Variants in CACNA1C observed in about 807,000 individuals in gnomAD.
The protein encoded by CACNA1C is voltage-dependent L-type calcium channel subunit alpha-1C.
A neutral mutation model predicts 229.0 loss-of-function variants in CACNA1C; 30 were observed. The observed-to-expected ratio is 0.13, with a 90% CI of 0.10 to 0.18. The LOEUF (loss-of-function observed/expected upper bound fraction) is 0.18. CACNA1C is among the 10% of genes least tolerant of loss of function. The pLI is 1.00. For synonymous variants in CACNA1C, 1,114 were observed against 1,132.5 expected (o/e 0.98, Z 0.33); for missense variants, 1,658 against 2,845.0 (o/e 0.58, Z 9.49).
At chr12:2,019,544 AG>A in intron 1 of CACNA1C, among the ~76,000 whole-genome samples, 1 of 150,230 alleles carries the variant, frequency 6.7e-6, no homozygotes, top group African/African-American at 2.5e-5. Context: ...AAAGGAAGGA[AG>A]GAAAGAAGGA....
intron 7 of CACNA1C, among the ~76,000 whole-genome samples, chr12:2,495,493 T>C (rs184289528): frequency 2.0e-5 from 3 of 152,340 alleles, no homozygotes; most frequent in African/African-American, 4.8e-5. Context: ...ATTTTTGTGT[T>C]CTTCCTTCAC....
intron 11 of CACNA1C, among the ~76,000 whole-genome samples, chr12:2,557,985 G>A (rs1477483416): frequency 6.6e-6 from 1 of 152,196 alleles, no homozygotes; most frequent in African/African-American, 2.4e-5. Context: ...AAAAAATATT[G>A]GTTATTTTTC....
intron 30 of CACNA1C, among the ~76,000 whole-genome samples, chr12:2,642,926 C>T (rs1466856564): frequency 1.3e-5 from 2 of 152,188 alleles, no homozygotes; most frequent in Non-Finnish European, 2.9e-5. Context: ...CATCAGGCTG[C>T]ACATGATAAC....
intron 1 of CACNA1C, among the ~76,000 whole-genome samples, chr12:1,988,104 T>C (rs374947494): frequency 6.6e-6 from 1 of 152,202 alleles, no homozygotes; most frequent in Non-Finnish European, 1.5e-5. Flanking sequence ...CCTGGATGAT[T>C]TGTATATCAG....
chr12:2,545,088 A>T (rs935037860), intron 9 of CACNA1C, among the ~76,000 whole-genome samples: 1 of 151,492 alleles, frequency 6.6e-6, no homozygotes. Flanking sequence ...TCTCCATCCA[A>T]CCCCTGAGCT....
At chr12:2,266,425 T>C (rs2087217656) in intron 3 of CACNA1C, among the ~76,000 whole-genome samples, 1 of 152,236 alleles carries the variant, frequency 6.6e-6, no homozygotes, top group African/African-American at 2.4e-5. Flanking sequence ...TCATGCTCCT[T>C]CTGCAGTGAC....
chr12:2,283,237 C>G (rs1211827041), intron 3 of CACNA1C, among the ~76,000 whole-genome samples: 1 of 152,130 alleles, frequency 6.6e-6, no homozygotes, highest in African/African-American at 2.4e-5. Context: ...AGGTGCAAGG[C>G]TACTTCTCCT....
In CACNA1C at chr12:2,690,922, G is replaced by A. The variant is rs1166663389; in HGVS notation, c.6140G>A (p.Gly2047Glu). 6.3e-7 allele frequency: 1 copy of A among 1,587,080 alleles called. No homozygotes were observed. The part of the protein sequence containing the change: ...VEAVLISEGL[G>E]QFAQDPKFIE... ...CAGGTCTTGATTTCAGAAGGACTGGGGCAGTTTGCTCAAGATCCCAAGTTC... is the reference window on the plus strand; with the variant it reads ...CAGGTCTTGATTTCAGAAGGACTGGAGCAGTTTGCTCAAGATCCCAAGTTC... Residue 2047 changes from glycine to glutamate, a missense_variant, in exon 47 of 47, where the codon GGG becomes GAG. By Grantham distance (98) the Gly-to-Glu change is moderately conservative (BLOSUM62 -2). This residue lies in a region of CACNA1C where 590 missense variants were observed against 700.8 expected (regional missense o/e 0.84). Transcript: ENST00000399655.
At chr12:2,134,571 A>G (rs1190796604) in intron 3 of CACNA1C, among the ~76,000 whole-genome samples, 5 of 137,692 alleles carry the variant, frequency 3.6e-5, no homozygotes, top group African/African-American at 1.3e-4. Flanking sequence ...TATGAAGCTT[A>G]GCTTGGCTGG....
In CACNA1C at chr12:2,348,392, C is replaced by T. The variant is rs2097110919; in HGVS notation, c.478-100584C>T. On this transcript the variant is annotated intron_variant, in intron 3 of 46. Transcript: ENST00000399655. The surrounding 1 kb of genome is among the most constrained non-coding windows in gnomAD (Gnocchi z 4.7). Reference sequence around the variant, plus strand: ...GGCCCACGACTGAGTCACGCGGCTTCTTAGCAACTTAGTCAATCCAAACGT... The same window carrying T: ...GGCCCACGACTGAGTCACGCGGCTTTTTAGCAACTTAGTCAATCCAAACGT... Among the ~76,000 whole-genome samples, 1 of 152,196 alleles carries T rather than the reference C, an allele frequency of 6.6e-6. No individual in the cohort carries two copies.
Position 2,602,632 on chromosome 12 carries a change from G to T in CACNA1C, c.2960+672G>T, listed in dbSNP as rs1808326. Among the ~76,000 whole-genome samples the T allele has an allele frequency of 5.2e-3, 3 of 578 alleles. No individual in the cohort carries two copies. The highest frequency in any genetic ancestry group is 0.033 in the Admixed American group (1 of 30). 0.4% of individuals were successfully genotyped at this position (578 alleles called of 152,430 possible). ...GTGTGACTGTGTATATTTGTGTCTTGTGTGTGTGTGTGTGTGTGTGTGTGT... is the reference window on the plus strand; with the variant it reads ...GTGTGACTGTGTATATTTGTGTCTTTTGTGTGTGTGTGTGTGTGTGTGTGT... On this transcript the variant is annotated intron_variant, in intron 22 of 46. Transcript: ENST00000399655. This position sits in a 1 kb window ranked among gnomAD's most constrained non-coding sequence, Gnocchi z 4.4.
rs576118907 is a variant in CACNA1C at position 2,103,490 on chromosome 12, G to C, written c.50-11734G>C. Among the ~76,000 whole-genome samples the C allele has an allele frequency of 2.0e-5, 3 of 152,210 alleles. No homozygotes were observed. In the East Asian group the frequency reaches 5.8e-4, roughly 29 times the overall value. ...TCTGGATATTAGCGCTTTGTCAGAT[G>C]AGTAGATTGTAAAAATTTTCTTCCA... On this transcript the variant is annotated intron_variant, in intron 1 of 46. Transcript: ENST00000399655.
At chr12:2,624,842 C>T (rs1387529242) in intron 29 of CACNA1C, among the ~76,000 whole-genome samples, 2 of 152,184 alleles carry the variant, frequency 1.3e-5, no homozygotes, top group East Asian at 1.9e-4. Context: ...ACAGAAATCC[C>T]TAGGTAGAGA....
In CACNA1C at chr12:2,054,667, T is replaced by C. The variant is rs199532530; in HGVS notation, c.49+1056T>C. Among the ~76,000 whole-genome samples the C allele has an allele frequency of 8.1e-6, 1 of 123,230 alleles. No homozygotes were observed. Among genetic ancestry groups the C allele is most frequent in the Non-Finnish European group, 1.6e-5 (1 of 62,156 alleles). The allele number at this position is 123,230 out of a possible 152,430, so 80.8% of individuals were successfully genotyped here. A position where few individuals can be genotyped will look rare whatever the true frequency, so the allele number is the denominator to read the frequency against. On this transcript the variant is annotated intron_variant, in intron 1 of 46. Transcript: ENST00000399655. The surrounding 1 kb of genome is among the most constrained non-coding windows in gnomAD (Gnocchi z 5.5). ...TGCAGACAGGGTGGTCCAGCGGGGCTTTCTGGCAACCTCCAGGCATGACAT... is the reference window on the plus strand; with the variant it reads ...TGCAGACAGGGTGGTCCAGCGGGGCCTTCTGGCAACCTCCAGGCATGACAT...
intron 3 of CACNA1C, among the ~76,000 whole-genome samples, chr12:2,448,129 G>A (rs186259353): frequency 1.7e-4 from 26 of 152,328 alleles, no homozygotes; most frequent in African/African-American, 6.3e-4. Context: ...GAGTCGGCTG[G>A]CTCTAATTGA....
At chr12:2,482,742 T>C (rs1275936061) in intron 5 of CACNA1C, among the ~76,000 whole-genome samples, 2 of 152,168 alleles carry the variant, frequency 1.3e-5, no homozygotes, top group African/African-American at 4.8e-5. Flanking sequence ...CACCTTCAGA[T>C]AAGCCTGTTT....
intron 3 of CACNA1C, among the ~76,000 whole-genome samples, chr12:2,225,392 TAAC>T (rs1257266515): frequency 1.3e-5 from 2 of 152,198 alleles, no homozygotes; most frequent in East Asian, 1.9e-4. Flanking sequence ...CATAAATAAT[TAAC>T]AAGCACCAAT....
Position 2,401,885 on chromosome 12 carries a change from A to G in CACNA1C, c.478-47091A>G, listed in dbSNP as rs549115038. Among the ~76,000 whole-genome samples, 8 of 152,332 alleles carry G rather than the reference A, an allele frequency of 5.3e-5. No individual in the cohort carries two copies. The East Asian group carries it at 9.7e-4, about 18-fold the overall frequency. On this transcript the variant is annotated intron_variant, in intron 3 of 46. Coordinates refer to ENST00000399655, the MANE Select transcript of CACNA1C (RefSeq NM_000719.7). ...TTGTACACTTCTGAACACATCCACAATGAGAAGGAAGGGAGTAAAGTGTCA... is the reference window on the plus strand; with the variant it reads ...TTGTACACTTCTGAACACATCCACAGTGAGAAGGAAGGGAGTAAAGTGTCA...
At chr12:2,232,227 G>GTTTTTTTTT (rs1169407536) in intron 3 of CACNA1C, among the ~76,000 whole-genome samples, 254 of 73,502 alleles carry the variant, frequency 3.5e-3, no homozygotes, top group East Asian at 7.7e-3. Context: ...GTCTTTCCTT[G>GTTTTTTTTT]TTTTTTTTTT....
Sources: allele counts gnomAD v4.1 joint callset (sites outside exome capture counted in the v4.1 genomes callset), GRCh38; gene constraint gnomAD v4.1.1; regional missense constraint gnomAD v4.1.1; non-coding constraint Gnocchi (gnomAD v3.1); transcripts MANE v1.5; gene names NCBI Gene and HGNC (gene_info 2026-07-23, HGNC 2026-07-21).